Variants in DTNA observed in about 807,000 individuals in gnomAD.
The protein encoded by DTNA is dystrophin-related protein 3.
In DTNA, 43 loss-of-function variants were observed where a neutral mutation model predicts 100.7. The ratio of observed to expected loss-of-function variants is 0.43; its 90% CI spans 0.33 to 0.55. DTNA has a LOEUF of 0.55. Among genes scored for constraint, DTNA ranks in the 20% least tolerant of loss-of-function variants. The pLI is 0.04. For missense variants in DTNA, 798 were observed against 953.9 expected, an observed-to-expected ratio of 0.84 and a Z score of 2.15; for synonymous variants, 349 against 347.9, an observed-to-expected ratio of 1.00 and a Z score of -0.04.
chr18:34,789,191 G>A (rs532264220), intron 3 of DTNA, among the ~76,000 whole-genome samples: 14 of 152,198 alleles, frequency 9.2e-5, no homozygotes, highest in South Asian at 8.3e-4. Context: ...TACAATGTGC[G>A]TGACTGCAGT....
At chr18:34,525,211 C>T (rs1034119331) in intron 1 of DTNA, among the ~76,000 whole-genome samples, 3 of 152,042 alleles carry the variant, frequency 2.0e-5, no homozygotes, top group African/African-American at 7.2e-5. Flanking sequence ...AATAAGTACT[C>T]CACTCTCTAG....
At chr18:34,728,264 A>G (rs1387250023) in intron 1 of DTNA, among the ~76,000 whole-genome samples, 1 of 152,188 alleles carries the variant, frequency 6.6e-6, no homozygotes. Context: ...GACAAAAATG[A>G]TTTTGACAAA....
chr18:34,659,639 C>CACAG (rs1251967219), intron 1 of DTNA, among the ~76,000 whole-genome samples: 3 of 151,680 alleles, frequency 2.0e-5, no homozygotes, highest in Non-Finnish European at 4.4e-5. Flanking sequence ...CACAGACACA[C>CACAG]ACACACACAC....
At chr18:34,570,944 A>G (rs2146416449) in intron 1 of DTNA, among the ~76,000 whole-genome samples, 1 of 152,324 alleles carries the variant, frequency 6.6e-6, no homozygotes, top group Non-Finnish European at 1.5e-5. Context: ...GGTACTTTGT[A>G]AGCACCTCTG....
At chr18:34,574,479 T>A (rs182691001) in intron 1 of DTNA, 1 of 152,454 alleles carries the variant, frequency 6.6e-6, no homozygotes, top group Non-Finnish European at 1.5e-5. Context: ...CCCAGAAGTG[T>A]TTGTCCTTCT....
At chr18:34,594,135 TC>T (rs2050101753) in intron 1 of DTNA, among the ~76,000 whole-genome samples, 1 of 150,000 alleles carries the variant, frequency 6.7e-6, no homozygotes, top group Non-Finnish European at 1.5e-5. Context: ...CAGGTTCCCC[TC>T]CTTCAGGAAA....
chr18:34,859,663 AG>A (rs1422738537), intron 16 of DTNA, among the ~76,000 whole-genome samples: 6 of 152,162 alleles, frequency 3.9e-5, no homozygotes, highest in Admixed American at 3.9e-4. Context: ...TGGAAAGGCG[AG>A]GTTTTCCTTT....
chr18:34,756,033 T>G lies in DTNA; in HGVS notation c.57T>G (p.Phe19Leu). Residue 19 changes from phenylalanine to leucine, a missense_variant, in exon 2 of 23, where the codon TTT becomes TTG. Around this residue, in one of 6 missense-constraint regions of DTNA, gnomAD observed 197 missense variants for 215.4 expected, o/e 0.91. Transcript: ENST00000444659. Reference protein sequence around the residue: ...GNTMAERRQLFAEMRAQDLDR... With the variant: ...GNTMAERRQLLAEMRAQDLDR... ...CCATGGCAGAAAGAAGACAGCTGTT[T>G]GCAGAGATGAGTAAGTATGGATCTT... 1 of 1,613,280 alleles carries G rather than the reference T, an allele frequency of 6.2e-7. No homozygotes were observed. The highest frequency in any genetic ancestry group is 1.3e-5 in the African/African-American group (1 of 75,036).
In DTNA at chr18:34,891,725, T is replaced by C. The variant is rs1157856909; in HGVS notation, c.*3991T>C. On this transcript the variant is annotated 3_prime_UTR_variant, in exon 23 of 23. Coordinates refer to ENST00000444659, the MANE Select transcript of DTNA (RefSeq NM_001386795.1). Reference sequence around the variant, plus strand: ...TTCATGTTTGTATCACACACTGTTCTTAACACTTTATGTGACTTCACTCAA... The same window carrying C: ...TTCATGTTTGTATCACACACTGTTCCTAACACTTTATGTGACTTCACTCAA... 2 of 152,278 alleles carry C rather than the reference T, an allele frequency of 1.3e-5. No individual in the cohort carries two copies. Among genetic ancestry groups the C allele is most frequent in the African/African-American group, 4.8e-5 (2 of 41,476 alleles). 9.4% of individuals were successfully genotyped at this position (152,278 alleles called of 1,614,324 possible). A position where few individuals can be genotyped will look rare whatever the true frequency, so the allele number is the denominator to read the frequency against.
intron 1 of DTNA, among the ~76,000 whole-genome samples, chr18:34,748,487 G>T (rs1182439088): frequency 6.6e-6 from 1 of 152,126 alleles, no homozygotes; most frequent in Non-Finnish European, 1.5e-5. Context: ...TTCTTAATAA[G>T]GTGAGAGATG....
intron 1 of DTNA, among the ~76,000 whole-genome samples, chr18:34,654,058 A>C (rs1333293277): frequency 6.6e-6 from 1 of 152,226 alleles, no homozygotes; most frequent in African/African-American, 2.4e-5. Flanking sequence ...GGCTTGGGAC[A>C]GGGATGACTC....
At chr18:34,561,207 C>T (rs187915075) in intron 1 of DTNA, among the ~76,000 whole-genome samples, 145 of 152,118 alleles carry the variant, frequency 9.5e-4, no homozygotes, top group African/African-American at 3.1e-3. Context: ...ACTGTGACAA[C>T]GGATTTTAGC....
rs528610501 is a variant in DTNA at position 34,692,016 on chromosome 18, A to G, written c.-1-63960A>G. On this transcript the variant is annotated intron_variant, in intron 1 of 19. Coordinates refer to the DTNA transcript ENST00000283365. ...AGAAAGAAAATCAACCTTCATTATC[A>G]ATCACAGCACCATATCTTAGCTTCT... Among the ~76,000 whole-genome samples the G allele has an allele frequency of 2.6e-5, 4 of 152,318 alleles. No individual in the cohort carries two copies. In the South Asian group the frequency reaches 8.3e-4, roughly 32 times the overall value.
At chr18:34,555,477 A>C (rs1360433198) in intron 1 of DTNA, among the ~76,000 whole-genome samples, 3 of 151,536 alleles carry the variant, frequency 2.0e-5, no homozygotes, top group Non-Finnish European at 2.9e-5. Flanking sequence ...TAGGGTGTCA[A>C]TTTTGGATCT....
At chr18:34,526,089 T>C (rs1465126194) in intron 1 of DTNA, among the ~76,000 whole-genome samples, 1 of 152,170 alleles carries the variant, frequency 6.6e-6, no homozygotes, top group East Asian at 1.9e-4. Flanking sequence ...TGGTGTTACA[T>C]GATAAAACAG....
rs549516940 is a variant in DTNA at position 34,651,160 on chromosome 18, T to A, written c.-1-104816T>A. Among the ~76,000 whole-genome samples the A allele has an allele frequency of 3.9e-5, 6 of 152,328 alleles. No homozygotes were observed. The East Asian group carries it at 9.6e-4, about 24-fold the overall frequency. On this transcript the variant is annotated intron_variant, in intron 1 of 19. Coordinates refer to the DTNA transcript ENST00000283365. ...CCTTAGACACTTCATATATATCTTG[T>A]GAGCTGTGGCAACTAGAATTACAAG...
rs563667865 is a variant in DTNA at position 34,622,129 on chromosome 18, T to C, written c.-2+128615T>C. ...GTATACTTGAAAATTGCTAAGAGAG[T>C]AAATCTTAAATGTTCTCATCACAAA... On this transcript the variant is annotated intron_variant, in intron 1 of 19. Coordinates refer to the DTNA transcript ENST00000283365. Among the ~76,000 whole-genome samples the C allele has an allele frequency of 2.0e-5, 3 of 152,154 alleles. No homozygotes were observed. The South Asian group carries it at 6.2e-4, about 32-fold the overall frequency.
At chr18:34,829,534 T>C in intron 11 of DTNA, 45 bp downstream of exon 11, 3 of 1,448,676 alleles carry the variant, frequency 2.1e-6, no homozygotes, top group Non-Finnish European at 2.7e-6. Context: ...AGTAGTTCCA[T>C]AGCTAGACTG....
intron 1 of DTNA, among the ~76,000 whole-genome samples, chr18:34,667,824 G>T (rs28869901): frequency 0.025 from 3,783 of 152,258 alleles, 86 homozygotes; most frequent in Non-Finnish European, 0.039. Context: ...GATTTGGTTT[G>T]CCAGTATTTT....
Sources: allele counts gnomAD v4.1 joint callset (sites outside exome capture counted in the v4.1 genomes callset), GRCh38; gene constraint gnomAD v4.1.1; regional missense constraint gnomAD v4.1.1; transcripts MANE v1.5; gene names NCBI Gene and HGNC (gene_info 2026-07-23, HGNC 2026-07-21).